The following STAG2 variants were observed in gnomAD, a reference collection of about 807,000 sequenced individuals.
STAG2 encodes the protein STAG2 cohesin complex component.
Under a neutral mutation model 108.1 loss-of-function variants are expected in STAG2, and 14 were observed. The ratio of observed to expected loss-of-function variants is 0.13; its 90% CI spans 0.09 to 0.20. The LOEUF is 0.20. Among genes scored for constraint, STAG2 ranks in the 10% least tolerant of loss-of-function variants. The pLI is 1.00. For synonymous variants in STAG2, 307 were observed against 302.7 expected, an observed-to-expected ratio of 1.01 and a Z score of -0.15; for missense variants, 440 against 940.9, an observed-to-expected ratio of 0.47 and a Z score of 6.96.
intron 1 of STAG2, among the ~76,000 whole-genome samples, chrX:124,009,427 G>A (rs185175146): frequency 7.9e-4 from 53 of 66,704 alleles, no homozygotes; most frequent in African/African-American, 1.2e-3. Flanking sequence ...AGGTAGGTAG[G>A]TAGGTAGGTA....
chrX:124,048,088 G>A (rs759710315), intron 9 of STAG2, among the ~76,000 whole-genome samples: 3 of 111,900 alleles, frequency 2.7e-5, no homozygotes, highest in Non-Finnish European at 5.6e-5. Context: ...GGAGATGTTT[G>A]TTTTCATATC....
intron 16 of STAG2, 41 bp from the exon 17 acceptor site, chrX:124,061,730 T>G (rs1735210994): frequency 1.0e-6 from 1 of 981,069 alleles, no homozygotes; most frequent in African/African-American, 2.1e-5. Flanking sequence ...AGAAATAAGC[T>G]AACTCTTTCT....
rs1416471240 is a variant in STAG2 at position 124,090,935 on chromosome X, T to C, written c.3549T>C (p.Val1183=). 1 of 1,208,096 alleles carries C rather than the reference T, an allele frequency of 8.3e-7. No individual in the cohort carries two copies. The highest frequency in any genetic ancestry group is 1.1e-6 in the Non-Finnish European group (1 of 892,598). ...AGGAGAGAGCAGCAATGAGCTATGT[T>C]AAACTGCGAACTAATCTTCAGCATG... is the stretch of plus-strand genomic sequence containing the variant. ...QQQERAAMSY[V]KLRTNLQHAI... The change falls in exon 32 of 35, where the codon GTT becomes GTC. Residue 1183 remains valine, a synonymous_variant. Transcript: ENST00000371145.
intron 1 of STAG2, among the ~76,000 whole-genome samples, chrX:123,977,969 A>G (rs2054703635): frequency 9.6e-6 from 1 of 103,693 alleles, no homozygotes; most frequent in Non-Finnish European, 1.9e-5. Context: ...CAGCCTCCTG[A>G]GTAACTGGGA....
chrX:124,040,399 T>C (rs758000453), intron 6 of STAG2, among the ~76,000 whole-genome samples: 4 of 111,003 alleles, frequency 3.6e-5, no homozygotes, highest in African/African-American at 9.8e-5. Flanking sequence ...CTATCACTTT[T>C]AGATTTACCG....
Position 124,025,861 on chromosome X carries a change from T to C in STAG2, c.66T>C (p.Ser22=), listed in dbSNP as rs201477761. 1.0e-5 allele frequency: 12 copies of C among 1,184,956 alleles called. No homozygotes were observed. Among genetic ancestry groups the C allele is most frequent in the Middle Eastern group, 2.3e-4 (1 of 4,293 alleles). Residue 22 remains serine, a synonymous_variant, in exon 4 of 35, where the codon TCT becomes TCC. Transcript: ENST00000371145. The part of the protein sequence containing the change: ...NLLQESETHF[S]SDTDFEDIEG... ...ACAGGGAGTCAGAAACACATTTTTC[T>C]TCTGACACAGATTTTGAAGATATCG... is the stretch of plus-strand genomic sequence containing the variant.
Position 124,061,757 on chromosome X carries a change from T to C in STAG2, c.1535-14T>C. 1.1e-6 allele frequency: 1 copy of C among 906,481 alleles called. No individual in the cohort carries two copies. The highest frequency in any genetic ancestry group is 1.4e-6 in the Non-Finnish European group (1 of 691,185). 74.7% of individuals were successfully genotyped at this position (906,481 alleles called of 1,213,427 possible). On this transcript the variant is annotated splice_polypyrimidine_tract_variant and intron_variant, in intron 16 of 34. Transcript: ENST00000371145. ...ACTCTTTCTGACTTTTTTTTTTTTT[T>C]TTTTTTTTTTTAGCACTAACAGATA... is the stretch of plus-strand genomic sequence containing the variant.
At chrX:124,030,495 A>AT (rs1346766959) in intron 4 of STAG2, among the ~76,000 whole-genome samples, 1 of 111,638 alleles carries the variant, frequency 9.0e-6, no homozygotes, top group Non-Finnish European at 1.9e-5. Flanking sequence ...TTTTAACATA[A>AT]TTTTTTCATT....
intron 6 of STAG2, among the ~76,000 whole-genome samples, chrX:124,039,381 G>T (rs919399754): frequency 9.2e-6 from 1 of 109,110 alleles, no homozygotes; most frequent in Admixed American, 9.9e-5. Context: ...TGCCCAGGCC[G>T]CAAGTGATCC....
intron 1 of STAG2, among the ~76,000 whole-genome samples, chrX:123,984,737 A>G (rs1453852749): frequency 9.0e-6 from 1 of 111,186 alleles, no homozygotes; most frequent in African/African-American, 3.3e-5. Flanking sequence ...CCCAGGGCTC[A>G]AGTGATCCTC....
chrX:124,087,249 C>T (rs2059129386), intron 30 of STAG2, among the ~76,000 whole-genome samples: 4 of 111,956 alleles, frequency 3.6e-5, no homozygotes, highest in African/African-American at 6.5e-5. Flanking sequence ...AGAGTGCTAT[C>T]GTATTAGAGG....
intron 1 of STAG2, chrX:124,003,368 T>C (rs972780885): frequency 8.9e-6 from 1 of 111,953 alleles, no homozygotes; most frequent in Non-Finnish European, 1.9e-5. Context: ...ATTCACTGGC[T>C]TCTTTAGTTT....
chrX:124,086,472 A>C, intron 29 of STAG2, 75 bp from the exon 30 acceptor site: 1 of 788,625 alleles, frequency 1.3e-6, no homozygotes, highest in Non-Finnish European at 1.9e-6. Context: ...TAATATGCCT[A>C]TGCTCGCACA....
At chrX:124,047,649 T>C in intron 9 of STAG2, 144 bp downstream of exon 9, 1 of 518,892 alleles carries the variant, frequency 1.9e-6, no homozygotes, top group Non-Finnish European at 3.1e-6. Flanking sequence ...CCCAACAAAA[T>C]TCTGATGAAT....
In STAG2 at chrX:123,983,974, C is replaced by CTTTTTTTTTTTTT. The variant is rs199881082; in HGVS notation, c.-163+22127_-163+22139dup. Among the ~76,000 whole-genome samples, 144 of 61,439 alleles carry CTTTTTTTTTTTTT rather than the reference C, an allele frequency of 2.3e-3. 8 individuals are homozygous for CTTTTTTTTTTTTT. Among genetic ancestry groups the CTTTTTTTTTTTTT allele is most frequent in the African/African-American group, 2.8e-3 (31 of 10,964 alleles). The allele number at this position is 61,439 out of a possible 115,157, so 53.4% of individuals were successfully genotyped here. On this transcript the variant is annotated intron_variant, in intron 1 of 34. Transcript: ENST00000371145. ...AAAAAGAATAATTTTCTTTTCTTTT[C>CTTTTTTTTTTTTT]TTTTTTTTTTTTTTTTTTTTTGAGA... is the stretch of plus-strand genomic sequence containing the variant.
chrX:124,001,411 T>C (rs2056036071), intron 1 of STAG2, among the ~76,000 whole-genome samples: 1 of 111,295 alleles, frequency 9.0e-6, no homozygotes, highest in African/African-American at 3.3e-5. Flanking sequence ...AAAAATACAT[T>C]CAGTGTCTCC....
intron 1 of STAG2, among the ~76,000 whole-genome samples, chrX:124,020,060 A>G (rs1224517633): frequency 2.7e-5 from 3 of 113,034 alleles, no homozygotes; most frequent in African/African-American, 9.6e-5. Flanking sequence ...TACAAAGTAC[A>G]TGTTAGTATA....
At chrX:124,006,032 C>T (rs1192445316) in intron 1 of STAG2, among the ~76,000 whole-genome samples, 1 of 110,735 alleles carries the variant, frequency 9.0e-6, no homozygotes, top group Non-Finnish European at 1.9e-5. Context: ...ATTAGAGTAC[C>T]ACTCATATTG....
At chrX:123,961,603 G>C (rs1214175248), upstream of STAG2, 1 of 108,965 alleles carries the variant, frequency 9.2e-6, no homozygotes, top group Non-Finnish European at 1.9e-5. Flanking sequence ...TTTGGGCCTC[G>C]GACCGAGGGA....
Sources: allele counts gnomAD v4.1 joint callset (sites outside exome capture counted in the v4.1 genomes callset), GRCh38; gene constraint gnomAD v4.1.1; transcripts MANE v1.5; gene names NCBI Gene and HGNC (gene_info 2026-07-23, HGNC 2026-07-21).